Variants in IQGAP1 observed in about 807,000 individuals in gnomAD.
IQGAP1 encodes IQ motif containing GTPase activating protein 1.
In IQGAP1, 66 loss-of-function variants were observed where a neutral mutation model predicts 215.6. The observed-to-expected ratio is 0.31, with a 90% CI of 0.25 to 0.38. IQGAP1 has a LOEUF of 0.38. IQGAP1 is among the 10% of genes least tolerant of loss of function. The pLI is 1.00. For synonymous variants in IQGAP1, 772 were observed against 728.7 expected (o/e 1.06, Z -0.96); for missense variants, 1,712 against 1,997.1 (o/e 0.86, Z 2.72).
chr15:90,493,252 A>G (rs1281250249), intron 35 of IQGAP1, among the ~76,000 whole-genome samples: 1 of 151,868 alleles, frequency 6.6e-6, no homozygotes, highest in African/African-American at 2.4e-5. Context: ...AAAAAAAAAA[A>G]TCTTCTTGGC....
Position 90,466,075 on chromosome 15 carries a change from C to T in IQGAP1, c.1851C>T (p.Thr617=). ...GAATCTGGCAGTCCAACAAAGACAC[C>T]CAAGAAGCACAGAAGTGTATGTATC... ...QGGIWQSNKD[T]QEAQKFALGI... The change falls in exon 16 of 38, where the codon ACC becomes ACT. Residue 617 remains threonine, a synonymous_variant. Transcript: ENST00000268182. 3 of 1,613,758 alleles carry T rather than the reference C, an allele frequency of 1.9e-6. No homozygotes were observed. The highest frequency in any genetic ancestry group is 2.5e-6 in the Non-Finnish European group (3 of 1,179,844).
At chr15:90,474,838 A>T in intron 23 of IQGAP1, 145 bp downstream of exon 23, 1 of 621,864 alleles carries the variant, frequency 1.6e-6, no homozygotes, top group Non-Finnish European at 2.8e-6. Context: ...CTTTTGACTG[A>T]GTCTCACTCT....
chr15:90,432,763 A>G (rs1965319786), intron 4 of IQGAP1, among the ~76,000 whole-genome samples: 1 of 152,116 alleles, frequency 6.6e-6, no homozygotes, highest in African/African-American at 2.4e-5. Context: ...CAGTCTTAAT[A>G]TAGGCCTTTA....
intron 2 of IQGAP1, among the ~76,000 whole-genome samples, chr15:90,406,009 G>C (rs895763508): frequency 6.6e-6 from 1 of 152,132 alleles, no homozygotes; most frequent in Non-Finnish European, 1.5e-5. Flanking sequence ...TAATTGGATA[G>C]GTATAATTGC....
At position 90,477,869 on chromosome 15, in the gene IQGAP1, G is replaced by A. The variant is rs1966002656; in HGVS notation, c.3309G>A (p.Glu1103=). The change falls in exon 26 of 38, where the codon GAG becomes GAA. Residue 1103 remains glutamate, a synonymous_variant. Coordinates refer to ENST00000268182, the MANE Select transcript of IQGAP1 (RefSeq NM_003870.4). The part of the protein sequence containing the change: ...DIYKSWVNQM[E]SQTGEASKLP... ...ACAAATCTTGGGTTAATCAGATGGA[G>A]TCTCAGACAGGAGAGGCAAGGTATG... 6.2e-7 allele frequency: 1 copy of A among 1,610,464 alleles called. No homozygotes were observed.
chr15:90,452,745 C>G lies in IQGAP1; in HGVS notation c.1163-30C>G, dbSNP rs76653232. 617 of 1,611,094 alleles carry G rather than the reference C, an allele frequency of 3.8e-4. 3 individuals are homozygous for G. In the African/African-American group the frequency reaches 7.6e-3, roughly 20 times the overall value. ...TTCCCCTGAGGGCTCTCTAAGCCCA[C>G]TGCGTTTCTGACTCCTGTTTTTTAC... On this transcript the variant is annotated intron_variant, in intron 11 of 37. Transcript: ENST00000268182.
intron 10 of IQGAP1, among the ~76,000 whole-genome samples, chr15:90,449,023 T>A (rs763497542): frequency 6.6e-6 from 1 of 150,534 alleles, no homozygotes; most frequent in East Asian, 1.9e-4. Flanking sequence ...CTAAAAGACA[T>A]TGGGGAAAAC....
At chr15:90,493,623 A>G (rs7173724) in intron 35 of IQGAP1, among the ~76,000 whole-genome samples, 62,094 of 152,108 alleles carry the variant, frequency 0.41, 13,987 homozygotes, top group African/African-American at 0.62. Context: ...ACCTAGATTC[A>G]CCCATTTTTA....
intron 33 of IQGAP1, among the ~76,000 whole-genome samples, chr15:90,490,730 A>G (rs891924417): frequency 6.6e-6 from 1 of 152,162 alleles, no homozygotes; most frequent in Admixed American, 6.5e-5. Flanking sequence ...TAGCCAGTAG[A>G]GTCCAGTCTC....
chr15:90,483,853 C>T (rs1036339087), intron 29 of IQGAP1, among the ~76,000 whole-genome samples: 1 of 152,056 alleles, frequency 6.6e-6, no homozygotes, highest in African/African-American at 2.4e-5. Context: ...TACATGTTAC[C>T]TTGTAATCAG....
At position 90,416,859 on chromosome 15, in the gene IQGAP1, G is replaced by T. The variant is rs546488911; in HGVS notation, c.156-9251G>T. Among the ~76,000 whole-genome samples, 136 of 152,220 alleles carry T rather than the reference G, an allele frequency of 8.9e-4. 2 individuals carry two copies. The South Asian group carries it at 0.027, about 30-fold the overall frequency. On this transcript the variant is annotated intron_variant, in intron 2 of 37. Coordinates refer to ENST00000268182, the MANE Select transcript of IQGAP1 (RefSeq NM_003870.4). ...CCCAAAGTGCTGGGATTACAGACGT[G>T]AGCCGCTGTGCCCAGCCTGTTTCTT... is the stretch of plus-strand genomic sequence containing the variant.
chr15:90,441,409 A>C, intron 7 of IQGAP1, 97 bp from the exon 8 acceptor site: 1 of 1,040,314 alleles, frequency 9.6e-7, no homozygotes, highest in African/African-American at 1.6e-5. Context: ...TCTGTCTCTA[A>C]TGGGGGGTGC....
intron 15 of IQGAP1, among the ~76,000 whole-genome samples, chr15:90,461,916 G>T (rs553194607): frequency 6.6e-6 from 1 of 150,616 alleles, no homozygotes; most frequent in South Asian, 2.1e-4. Flanking sequence ...GAGGCAGGTG[G>T]ATCACGAGGT....
chr15:90,400,084 AG>A (rs1237256062), intron 2 of IQGAP1, among the ~76,000 whole-genome samples: 1 of 152,086 alleles, frequency 6.6e-6, no homozygotes, highest in Non-Finnish European at 1.5e-5. Context: ...ACATTTCCCC[AG>A]TTAACATGTT....
At chr15:90,482,344 AC>A in intron 28 of IQGAP1, 63 bp downstream of exon 28, 1 of 1,487,604 alleles carries the variant, frequency 6.7e-7, no homozygotes, top group Non-Finnish European at 9.4e-7. Flanking sequence ...ACCAGGGCTG[AC>A]CATAGATCAT....
intron 15 of IQGAP1, among the ~76,000 whole-genome samples, chr15:90,461,729 A>AG (rs1481900102): frequency 6.6e-6 from 1 of 152,150 alleles, no homozygotes; most frequent in Non-Finnish European, 1.5e-5. Flanking sequence ...CAGGAGGCTG[A>AG]GGCAGGAGGA....
In IQGAP1 at chr15:90,452,964, T is replaced by C. The variant is rs981377184; in HGVS notation, c.1326+26T>C. ...GTGAGTTCACTAAACCTGTCCTGTT[T>C]GTGAGCAAAGTTGGGTGGACGTGAG... On this transcript the variant is annotated intron_variant, in intron 12 of 37. Coordinates refer to ENST00000268182, the MANE Select transcript of IQGAP1 (RefSeq NM_003870.4). 3 of 1,611,208 alleles carry C rather than the reference T, an allele frequency of 1.9e-6. No homozygotes were observed. In the African/African-American group the frequency reaches 4.0e-5, roughly 22 times the overall value.
intron 16 of IQGAP1, 74 bp downstream of exon 16, chr15:90,466,165 A>G: frequency 1.6e-5 from 25 of 1,576,484 alleles, no homozygotes; most frequent in Non-Finnish European, 2.1e-5. Context: ...CTTGACCAAG[A>G]TAGGTATGGG....
At chr15:90,487,630 C>T (rs370194592) in intron 33 of IQGAP1, 48 bp downstream of exon 33, 8 of 1,260,928 alleles carry the variant, frequency 6.3e-6, no homozygotes, top group African/African-American at 1.5e-5. Flanking sequence ...GATAAGCTCT[C>T]CCGATAGGCG....
Sources: allele counts gnomAD v4.1 joint callset (sites outside exome capture counted in the v4.1 genomes callset), GRCh38; gene constraint gnomAD v4.1.1; transcripts MANE v1.5; gene names NCBI Gene and HGNC (gene_info 2026-07-23, HGNC 2026-07-21).